Variants in SRRM4 observed in about 807,000 individuals in gnomAD.
SRRM4 encodes serine/arginine repetitive matrix 4, also known as serine/arginine repetitive matrix protein 4.
SRRM4 carries 33 observed loss-of-function variants against 68.9 expected under a neutral mutation model. That is an observed-to-expected ratio of 0.48 (90% CI 0.36 to 0.64). The LOEUF is 0.64. Ranked by LOEUF, SRRM4 falls within the 30% of genes least tolerant of loss-of-function variation. The probability of loss-of-function intolerance (pLI) is 0.00; values close to 1 mark genes in which losing one functional copy is unlikely to be tolerated. For synonymous variants in SRRM4, 318 were observed against 318.8 expected (o/e 1.00, Z 0.03); for missense variants, 817 against 827.1 (o/e 0.99, Z 0.15).
intron 1 of SRRM4, among the ~76,000 whole-genome samples, chr12:119,071,119 G>A (rs983805864): frequency 1.3e-5 from 2 of 152,164 alleles, no homozygotes; most frequent in East Asian, 1.9e-4. Flanking sequence ...CCACAAGCCT[G>A]GTAGCTTCTT....
Position 119,161,253 on chromosome 12 carries a change from T to C in SRRM4, c.*4455T>C, listed in dbSNP as rs1348844862. The stretch of plus-strand genomic sequence containing the variant: ...TTTCCCCTTTAGCTGAACAGAAAAT[T>C]TTGTCTCAGTAAAACGAAGTCAAAA... On this transcript the variant is annotated 3_prime_UTR_variant, in exon 13 of 13. Coordinates refer to ENST00000267260, the MANE Select transcript of SRRM4 (RefSeq NM_194286.4). 2 of 152,154 alleles carry C rather than the reference T, an allele frequency of 1.3e-5. No individual in the cohort carries two copies. Among genetic ancestry groups the C allele is most frequent in the African/African-American group, 4.8e-5 (2 of 41,414 alleles). The allele number at this position is 152,154 out of a possible 1,614,324, so 9.4% of individuals were successfully genotyped here.
rs118042425 is a variant in SRRM4, at chr12:119,060,165, T to C, written c.132-42071T>C. On this transcript the variant is annotated intron_variant, in intron 1 of 12. Transcript: ENST00000267260. ...TCGGCTTTGATATTTCATGAACTAA[T>C]GGGTATCCAGGAAGAGCAAAATGAT... Among the ~76,000 whole-genome samples the C allele has an allele frequency of 4.5e-3, 692 of 152,126 alleles. 3 individuals are homozygous for C. The highest frequency in any genetic ancestry group is 7.4e-3 in the Non-Finnish European group (503 of 68,002).
At chr12:119,061,171 T>C (rs1201840160) in intron 1 of SRRM4, among the ~76,000 whole-genome samples, 3 of 152,138 alleles carry the variant, frequency 2.0e-5, no homozygotes. Context: ...AGGAAAACAA[T>C]CGCCACCCTG....
At chr12:119,036,283 T>C (rs1426421866) in intron 1 of SRRM4, among the ~76,000 whole-genome samples, 1 of 152,166 alleles carries the variant, frequency 6.6e-6, no homozygotes, top group East Asian at 1.9e-4. Context: ...AAGATACCGC[T>C]GGATTCCAAA....
chr12:119,115,184 C>T (rs1168822275), intron 3 of SRRM4, among the ~76,000 whole-genome samples: 1 of 152,128 alleles, frequency 6.6e-6, no homozygotes, highest in South Asian at 2.1e-4. Flanking sequence ...GTTGGTTCTA[C>T]GACGCCCACC....
chr12:119,049,858 T>G (rs1363287469), intron 1 of SRRM4, among the ~76,000 whole-genome samples: 1 of 152,152 alleles, frequency 6.6e-6, no homozygotes, highest in African/African-American at 2.4e-5. Flanking sequence ...TCCTACTGGA[T>G]TAGGGCCCAC....
intron 2 of SRRM4, among the ~76,000 whole-genome samples, chr12:119,110,704 A>G (rs1437717403): frequency 2.6e-5 from 4 of 151,986 alleles, no homozygotes; most frequent in Non-Finnish European, 1.5e-5. Context: ...GAGTGTCCCG[A>G]TTTTCCAGGT....
chr12:119,123,756 G>C (rs1023262865), intron 6 of SRRM4, among the ~76,000 whole-genome samples: 1 of 152,234 alleles, frequency 6.6e-6, no homozygotes, highest in African/African-American at 2.4e-5. Context: ...CTGCTGGAGT[G>C]AGTTAGCCTC....
In SRRM4 at chr12:119,151,088, G is replaced by A. The variant is rs1278408619; in HGVS notation, c.1148G>A (p.Ser383Asn). ...AGTTTGGTCCCATCCACAGCCCGGA[G>A]CTCACCCATGAAAGGGTGTTCCCGC... ...KSSLVPSTAR[S>N]SPMKGCSRSS... Residue 383 changes from serine to asparagine, a missense_variant, in exon 10 of 13, where the codon AGC (serine) becomes AAC (asparagine). Coordinates refer to ENST00000267260, the MANE Select transcript of SRRM4 (RefSeq NM_194286.4). The A allele has an allele frequency of 1.2e-6, 2 of 1,613,960 alleles. No individual in the cohort carries two copies. Among genetic ancestry groups the A allele is most frequent in the Non-Finnish European group, 1.7e-6 (2 of 1,179,892 alleles).
chr12:119,152,730 A>AT (rs976963243), intron 10 of SRRM4, among the ~76,000 whole-genome samples: 8 of 152,192 alleles, frequency 5.3e-5, no homozygotes, highest in African/African-American at 1.9e-4. Context: ...GCAAAAGCAC[A>AT]TTTTTCCAGT....
At chr12:119,134,090 TG>T (rs1370473513) in intron 8 of SRRM4, among the ~76,000 whole-genome samples, 1 of 152,142 alleles carries the variant, frequency 6.6e-6, no homozygotes, top group East Asian at 1.9e-4. Flanking sequence ...AGCCCAAGCA[TG>T]AAGGATTTTC....
At chr12:119,016,346 C>G (rs1393145684) in intron 1 of SRRM4, among the ~76,000 whole-genome samples, 2 of 151,920 alleles carry the variant, frequency 1.3e-5, no homozygotes, top group Non-Finnish European at 2.9e-5. Context: ...CCCCCCAGCC[C>G]CATTCAGTAA....
rs562089966 is a variant in SRRM4, at chr12:118,988,467, C to T, written c.131+6454C>T. Among the ~76,000 whole-genome samples the T allele has an allele frequency of 7.2e-5, 11 of 152,166 alleles. No homozygotes were observed. In the South Asian group the frequency reaches 1.4e-3, roughly 20 times the overall value. The stretch of plus-strand genomic sequence containing the variant: ...TCAAGGATGCAGTCTCTGGCGTGGG[C>T]TATTAGGCTTCTTGTCCTTCATGGA... On this transcript the variant is annotated intron_variant, in intron 1 of 12. Transcript: ENST00000267260.
chr12:119,041,241 A>G (rs7306122), intron 1 of SRRM4, among the ~76,000 whole-genome samples: 47,319 of 152,070 alleles, frequency 0.31, 7,651 homozygotes, highest in Non-Finnish European at 0.35. Context: ...CAGAGCTATG[A>G]TTAAAATCCA....
chr12:119,079,816 G>C (rs970010218), intron 1 of SRRM4, among the ~76,000 whole-genome samples: 1 of 152,090 alleles, frequency 6.6e-6, no homozygotes, highest in Admixed American at 6.5e-5. Context: ...CTAGTCAAGT[G>C]GGGTAATGTG....
chr12:119,000,577 A>G (rs1565886603), intron 1 of SRRM4, among the ~76,000 whole-genome samples: 1 of 152,202 alleles, frequency 6.6e-6, no homozygotes, highest in Non-Finnish European at 1.5e-5. Flanking sequence ...AATTGGTTTA[A>G]ACTATTTCCA....
intron 6 of SRRM4, among the ~76,000 whole-genome samples, chr12:119,123,532 G>GT (rs1954236926): frequency 6.6e-6 from 1 of 151,988 alleles, no homozygotes; most frequent in Non-Finnish European, 1.5e-5. Flanking sequence ...GACTGCCTGC[G>GT]TAAGGGGAGC....
chr12:119,134,514 G>T (rs1479120977), intron 8 of SRRM4, among the ~76,000 whole-genome samples: 1 of 152,044 alleles, frequency 6.6e-6, no homozygotes, highest in Admixed American at 6.6e-5. Context: ...GATTGAGTCA[G>T]GAGCACCAGT....
At position 119,156,612 on chromosome 12, in the gene SRRM4, C is replaced by T; in HGVS notation, c.1650C>T (p.Ser550=). 6.2e-7 allele frequency: 1 copy of T among 1,609,740 alleles called. No homozygotes were observed. Among genetic ancestry groups the T allele is most frequent in the Non-Finnish European group, 8.5e-7 (1 of 1,179,120 alleles). The change falls in exon 13 of 13, where the codon TCC becomes TCT. Residue 550 remains serine (S), a synonymous_variant. Transcript: ENST00000267260. ...SSSRSASRSY[S]RSRSRSRSRR... ...GCCGCTCGGCCAGCCGCAGCTACTCCCGGAGCCGGAGTCGGAGCCGGAGCC... is the reference window on the plus strand; with the variant it reads ...GCCGCTCGGCCAGCCGCAGCTACTCTCGGAGCCGGAGTCGGAGCCGGAGCC...
Sources: gnomAD v4.1 joint callset for allele counts (sites outside exome capture counted in the v4.1 genomes callset) on GRCh38, gnomAD v4.1.1 for gene constraint, MANE v1.5 for transcripts, NCBI Gene and HGNC (gene_info 2026-07-23, HGNC 2026-07-21) for gene names.